EXOC4: variants seen among roughly 807,000 people sequenced by gnomAD.
The protein encoded by EXOC4 is SEC8-like 1.
EXOC4 carries 71 observed loss-of-function variants against 107.2 expected under a neutral mutation model. That is an observed-to-expected ratio of 0.66 (90% CI 0.55 to 0.81). The LOEUF (loss-of-function observed/expected upper bound fraction) is 0.81, where lower values mean the gene tolerates loss of function less well. Among genes scored for constraint, EXOC4 ranks in the 30% least tolerant of loss-of-function variants. The pLI is 0.00. For synonymous variants in EXOC4, 456 were observed against 441.2 expected (o/e 1.03, Z -0.42); for missense variants, 1,108 against 1,189.6 (o/e 0.93, Z 1.01).
chr7:133,529,675 G>A (rs950889427), intron 9 of EXOC4, among the ~76,000 whole-genome samples: 4 of 152,100 alleles, frequency 2.6e-5, no homozygotes, highest in Non-Finnish European at 4.4e-5. Context: ...GCTGAGTTAT[G>A]TATAAATTTA....
At chr7:134,003,315 G>A (rs1794571465) in intron 15 of EXOC4, among the ~76,000 whole-genome samples, 1 of 152,196 alleles carries the variant, frequency 6.6e-6, no homozygotes, top group Admixed American at 6.5e-5. Context: ...ATTGACTGCA[G>A]AGGGACACAG....
chr7:133,664,119 C>T (rs895844643), intron 10 of EXOC4, among the ~76,000 whole-genome samples: 8 of 152,116 alleles, frequency 5.3e-5, no homozygotes, highest in Non-Finnish European at 7.4e-5. Context: ...TTTTCTCAAA[C>T]GTTACCTTCC....
At chr7:133,666,279 T>C (rs910239837) in intron 10 of EXOC4, among the ~76,000 whole-genome samples, 4 of 152,198 alleles carry the variant, frequency 2.6e-5, no homozygotes, top group African/African-American at 7.2e-5. Context: ...CTCTGACATA[T>C]GTTACAGGAA....
chr7:133,657,019 A>AT (rs1803315734), intron 10 of EXOC4, among the ~76,000 whole-genome samples: 1 of 152,180 alleles, frequency 6.6e-6, no homozygotes, highest in Admixed American at 6.6e-5. Flanking sequence ...GAAGTGGCAC[A>AT]TATTATCTCT....
intron 17 of EXOC4, among the ~76,000 whole-genome samples, chr7:134,008,692 G>C (rs1406241330): frequency 6.6e-6 from 1 of 151,892 alleles, no homozygotes; most frequent in African/African-American, 2.4e-5. Flanking sequence ...ACCTAGGCTG[G>C]AGTGCAGTGG....
At chr7:133,296,089 G>GA (rs1210020467) in intron 3 of EXOC4, among the ~76,000 whole-genome samples, 1 of 152,126 alleles carries the variant, frequency 6.6e-6, no homozygotes, top group Non-Finnish European at 1.5e-5. Flanking sequence ...TTGAAAGACT[G>GA]AGGCCAATAT....
At chr7:133,917,069 TTAA>T (rs1290460939) in intron 12 of EXOC4, among the ~76,000 whole-genome samples, 16 of 152,298 alleles carry the variant, frequency 1.1e-4, no homozygotes, top group African/African-American at 3.8e-4. Flanking sequence ...TGAGGGTTTC[TTAA>T]TGATGGTATA....
At chr7:134,075,767 C>T in the EXOC4 span, among the ~76,000 whole-genome samples, 2 of 152,140 alleles carry the variant, frequency 1.3e-5, no homozygotes, top group East Asian at 3.9e-4. Flanking sequence ...AGAAGGGTGT[C>T]ACTTCCCAAC....
chr7:133,661,689 C>CAAAAAAAAAAAAAAAAA (rs869078453), intron 10 of EXOC4, among the ~76,000 whole-genome samples: 2 of 23,674 alleles, frequency 8.4e-5, no homozygotes, highest in Non-Finnish European at 1.6e-4. Context: ...AAAAAAAAAA[C>CAAAAAAAAAAAAAAAAA]AAAAAAAAAA....
chr7:133,298,287 T>C (rs1398960920), intron 3 of EXOC4, among the ~76,000 whole-genome samples: 1 of 152,166 alleles, frequency 6.6e-6, no homozygotes, highest in African/African-American at 2.4e-5. Context: ...GCATTTCTAA[T>C]GGATTTGGGG....
At chr7:133,737,964 T>G (rs1795484183) in intron 10 of EXOC4, among the ~76,000 whole-genome samples, 1 of 136,388 alleles carries the variant, frequency 7.3e-6, no homozygotes, top group Non-Finnish European at 1.5e-5. Flanking sequence ...TAGGTTGGAG[T>G]GCAGTGGTGC....
intron 7 of EXOC4, among the ~76,000 whole-genome samples, chr7:133,436,058 T>G (rs1239785891): frequency 8.6e-5 from 13 of 151,342 alleles, no homozygotes; most frequent in Middle Eastern, 6.8e-3. Flanking sequence ...GTTTTTTTTT[T>G]TTTGTTTTTT....
chr7:133,401,643 C>A (rs1347377092), intron 7 of EXOC4, among the ~76,000 whole-genome samples: 2 of 144,822 alleles, frequency 1.4e-5, no homozygotes, highest in African/African-American at 5.0e-5. Context: ...GCCTGGGTGA[C>A]CCTGTCTTAA....
chr7:134,020,094 T>C (rs984429845), intron 17 of EXOC4, among the ~76,000 whole-genome samples: 2 of 152,236 alleles, frequency 1.3e-5, no homozygotes, highest in African/African-American at 4.8e-5. Context: ...TCAACAGCAC[T>C]GAGCAGCACC....
chr7:133,625,773 G>A (rs7811015), intron 9 of EXOC4, among the ~76,000 whole-genome samples: 1 of 152,134 alleles, frequency 6.6e-6, no homozygotes, highest in Middle Eastern at 3.2e-3. Flanking sequence ...TTGCATTCCA[G>A]CCATCCATCA....
intron 7 of EXOC4, among the ~76,000 whole-genome samples, chr7:133,455,664 A>G (rs1798447379): frequency 6.6e-6 from 1 of 152,234 alleles, no homozygotes; most frequent in Non-Finnish European, 1.5e-5. Flanking sequence ...AATATCATGG[A>G]TAAAGCTGAG....
chr7:134,073,664 C>CT, the EXOC4 span, among the ~76,000 whole-genome samples: 22 of 148,268 alleles, frequency 1.5e-4, no homozygotes, highest in East Asian at 2.0e-4. Flanking sequence ...ATGTCACATT[C>CT]TTTTTTTTTT....
chr7:133,669,245 G>C (rs1220114550), intron 10 of EXOC4, among the ~76,000 whole-genome samples: 1 of 152,054 alleles, frequency 6.6e-6, no homozygotes, highest in Non-Finnish European at 1.5e-5. Flanking sequence ...CTTTACAGTG[G>C]TGAGAGGAGG....
At chr7:133,638,861 T>A (rs1006047811) in intron 10 of EXOC4, among the ~76,000 whole-genome samples, 4 of 151,796 alleles carry the variant, frequency 2.6e-5, no homozygotes, top group Non-Finnish European at 5.9e-5. Flanking sequence ...CAGGTTTTCG[T>A]CTCTTTATCA....
Sources: gnomAD v4.1 joint callset for allele counts (sites outside exome capture counted in the v4.1 genomes callset) on GRCh38, gnomAD v4.1.1 for gene constraint, MANE v1.5 for transcripts, NCBI Gene and HGNC (gene_info 2026-07-23, HGNC 2026-07-21) for gene names.